ZNF131: variants seen among roughly 807,000 people sequenced by gnomAD.
ZNF131 encodes zinc finger protein 131.
In ZNF131, 7 loss-of-function variants were observed where a neutral mutation model predicts 60.0. The observed-to-expected ratio is 0.12, with a 90% CI of 0.07 to 0.22. The LOEUF is 0.22. ZNF131 is among the 10% of genes least tolerant of loss of function. ZNF131 has a pLI of 1.00. For synonymous variants in ZNF131, 257 were observed against 253.2 expected, an observed-to-expected ratio of 1.01 and a Z score of -0.14; for missense variants, 493 against 740.9, an observed-to-expected ratio of 0.67 and a Z score of 3.88.
chr5:43,143,595 C>G (rs1277302920), intron 4 of ZNF131: 2 of 267,706 alleles, frequency 7.5e-6, no homozygotes, highest in Non-Finnish European at 1.4e-5. Context: ...TCTGTACAGT[C>G]TACATTTTGT....
chr5:43,162,520 A>G (rs758716805), intron 5 of ZNF131, among the ~76,000 whole-genome samples: 1 of 148,036 alleles, frequency 6.8e-6, no homozygotes, highest in Non-Finnish European at 1.5e-5. Flanking sequence ...TGAACCCGGG[A>G]GGCAGAGGTT....
intron 4 of ZNF131, 136 bp downstream of exon 4, chr5:43,139,445 A>T: frequency 2.0e-6 from 2 of 991,848 alleles, no homozygotes; most frequent in Non-Finnish European, 2.7e-6. Context: ...AGGATCTATT[A>T]AAAAATTTTC....
intron 5 of ZNF131, among the ~76,000 whole-genome samples, chr5:43,169,627 C>T (rs575960524): frequency 6.6e-6 from 1 of 152,122 alleles, no homozygotes; most frequent in Non-Finnish European, 1.5e-5. Flanking sequence ...GTATTTTAAT[C>T]TATGGGTATA....
At position 43,139,017 on chromosome 5, in the gene ZNF131, T is replaced by C. The variant is rs961456299; in HGVS notation, c.227-148T>C. On this transcript the variant is annotated intron_variant, in intron 3 of 6. Transcript: ENST00000682664. ...GTGCTGAAATTTGGCTGTAATATTA[T>C]TGTATTGCTAATGAGAATTTTTCCA... 6.9e-6 allele frequency: 4 copies of C among 583,034 alleles called. No homozygotes were observed. In the African/African-American group the frequency reaches 7.7e-5, roughly 11 times the overall value. The allele number at this position is 583,034 out of a possible 1,614,324, so 36.1% of individuals were successfully genotyped here.
intron 3 of ZNF131, among the ~76,000 whole-genome samples, chr5:43,126,104 T>C (rs896483285): frequency 2.0e-5 from 3 of 152,224 alleles, no homozygotes; most frequent in African/African-American, 7.2e-5. Context: ...GGGCATATAG[T>C]TAGTTAGAAA....
intron 5 of ZNF131, among the ~76,000 whole-genome samples, chr5:43,162,970 T>TTTTTTTTTC (rs1491202907): frequency 0.017 from 1,069 of 61,120 alleles, 70 homozygotes; most frequent in African/African-American, 0.034. Flanking sequence ...TTTATTTGCC[T>TTTTTTTTTC]TTTTTTTTTT....
intron 4 of ZNF131, among the ~76,000 whole-genome samples, chr5:43,156,007 C>A (rs184768606): frequency 6.6e-6 from 1 of 152,162 alleles, no homozygotes. Flanking sequence ...TCACCACTAG[C>A]GGCAAATGTC....
Position 43,156,179 on chromosome 5 carries a change from G to A in ZNF131, c.372-5070G>A, listed in dbSNP as rs555308678. Among the ~76,000 whole-genome samples, 21 of 152,268 alleles carry A rather than the reference G, an allele frequency of 1.4e-4. No individual in the cohort carries two copies. The South Asian group carries it at 4.4e-3, about 32-fold the overall frequency. On this transcript the variant is annotated intron_variant, in intron 4 of 6. Transcript: ENST00000682664. ...TACATAGAATCAGCCGTACCACAAG[G>A]TCAGGATAGCGTCCCTTTCCTGCTG...
intron 4 of ZNF131, among the ~76,000 whole-genome samples, chr5:43,148,043 C>CTT (rs55979930): frequency 2.0e-4 from 25 of 123,788 alleles, no homozygotes; most frequent in South Asian, 5.3e-4. Flanking sequence ...GACAAGAGTG[C>CTT]TTTTTTTTTT....
chr5:43,164,736 T>C (rs1004673493), intron 5 of ZNF131, among the ~76,000 whole-genome samples: 1 of 152,198 alleles, frequency 6.6e-6, no homozygotes, highest in Non-Finnish European at 1.5e-5. Context: ...GAATATAGGG[T>C]TAAAGTACAT....
At chr5:43,128,526 G>A (rs539298203) in intron 3 of ZNF131, among the ~76,000 whole-genome samples, 4 of 152,024 alleles carry the variant, frequency 2.6e-5, no homozygotes, top group African/African-American at 9.6e-5. Context: ...GCATGGTGGT[G>A]GGCACCTGTA....
chr5:43,132,400 A>G (rs1300213289), intron 3 of ZNF131, among the ~76,000 whole-genome samples: 1 of 152,132 alleles, frequency 6.6e-6, no homozygotes, highest in African/African-American at 2.4e-5. Flanking sequence ...AGACGTTTTG[A>G]AAATGAGTTT....
At chr5:43,166,774 C>T (rs1377761509) in intron 5 of ZNF131, among the ~76,000 whole-genome samples, 1 of 152,066 alleles carries the variant, frequency 6.6e-6, no homozygotes, top group African/African-American at 2.4e-5. Context: ...TCTGCCTCAG[C>T]CTCCCGAGTA....
At chr5:43,146,217 G>C (rs545131006) in intron 4 of ZNF131, among the ~76,000 whole-genome samples, 1 of 152,214 alleles carries the variant, frequency 6.6e-6, no homozygotes, top group Non-Finnish European at 1.5e-5. Flanking sequence ...TTGGAATGTA[G>C]TGTAAACTTT....
At chr5:43,122,014 A>G (rs745685804) in intron 1 of ZNF131, 25 bp from the exon 2 acceptor site, 2 of 1,610,150 alleles carry the variant, frequency 1.2e-6, no homozygotes, top group East Asian at 4.5e-5. Context: ...TCATGGGTGT[A>G]CATTATCATG....
intron 2 of ZNF131, among the ~76,000 whole-genome samples, chr5:43,122,609 TA>T (rs1183779522): frequency 1.3e-5 from 2 of 152,180 alleles, no homozygotes; most frequent in Non-Finnish European, 2.9e-5. Flanking sequence ...GCAGCACTCA[TA>T]CCCCCTTTGA....
chr5:43,163,229 C>T (rs566140722), intron 5 of ZNF131, among the ~76,000 whole-genome samples: 6 of 152,010 alleles, frequency 3.9e-5, no homozygotes, highest in East Asian at 1.9e-4. Flanking sequence ...CCGCTAGCCT[C>T]GGCCTCCCAA....
intron 5 of ZNF131, among the ~76,000 whole-genome samples, chr5:43,168,711 T>TGGGTTGAAACC (rs1750638345): frequency 6.6e-6 from 1 of 151,850 alleles, no homozygotes; most frequent in South Asian, 2.1e-4. Context: ...TAGATTGGAG[T>TGGGTTGAAACC]GGGTTGAAAC....
chr5:43,147,206 T>C (rs1471766834), intron 4 of ZNF131, among the ~76,000 whole-genome samples: 1 of 152,074 alleles, frequency 6.6e-6, no homozygotes, highest in Non-Finnish European at 1.5e-5. Flanking sequence ...TGCTACAGTT[T>C]GTTTATCTGA....
Sources: allele counts gnomAD v4.1 joint callset (sites outside exome capture counted in the v4.1 genomes callset), GRCh38; gene constraint gnomAD v4.1.1; transcripts MANE v1.5; gene names NCBI Gene and HGNC (gene_info 2026-07-23, HGNC 2026-07-21).